Variants in SH3TC2 observed in about 807,000 individuals in gnomAD.
SH3TC2 encodes SH3 domain and tetratricopeptide repeats 2.
SH3TC2 carries 87 observed loss-of-function variants against 124.5 expected under a neutral mutation model. The observed-to-expected ratio is 0.70, with a 90% confidence interval of 0.59 to 0.84. SH3TC2 has a LOEUF of 0.84. Ranked by LOEUF, SH3TC2 falls within the 40% of genes least tolerant of loss-of-function variation. The pLI, the probability that SH3TC2 is intolerant of heterozygous loss-of-function variation, is 0.00. For missense variants in SH3TC2, 1,536 were observed against 1,566.4 expected, an observed-to-expected ratio of 0.98 and a Z score of 0.33; for synonymous variants, 634 against 628.5, an observed-to-expected ratio of 1.01 and a Z score of -0.13.
In SH3TC2 at chr5:148,984,996, C is replaced by T. The variant is rs746226514; in HGVS notation, c.*19715G>A. Among the ~76,000 whole-genome samples the T allele has an allele frequency of 6.6e-6, 1 of 152,084 alleles. No homozygotes were observed. The highest frequency in any genetic ancestry group is 2.4e-5 in the African/African-American group (1 of 41,402). Reference sequence around the variant, plus strand: ...GATGGAAGCAATGGAAGATTACTCCCATTATTTTTAATCTGGTTTTCATGG... The same window carrying T: ...GATGGAAGCAATGGAAGATTACTCCTATTATTTTTAATCTGGTTTTCATGG... On this transcript the variant is annotated 3_prime_UTR_variant, in exon 17 of 17. Coordinates refer to ENST00000515425, the MANE Select transcript of SH3TC2 (RefSeq NM_024577.4).
rs1405855565 is a variant in SH3TC2 at position 148,999,229 on chromosome 5, G to T, written c.*5482C>A. ...GTGCCTGGCCACACCTCCAGGTTTGGCTGCACTTCTCAATGTCAAGGCTTA... is the reference window on the plus strand; with the variant it reads ...GTGCCTGGCCACACCTCCAGGTTTGTCTGCACTTCTCAATGTCAAGGCTTA... On this transcript the variant is annotated 3_prime_UTR_variant, in exon 17 of 17. Transcript: ENST00000515425. Among the ~76,000 whole-genome samples the T allele has an allele frequency of 6.6e-6, 1 of 152,212 alleles. No homozygotes were observed. Among genetic ancestry groups the T allele is most frequent in the Non-Finnish European group, 1.5e-5 (1 of 68,030 alleles).
At position 149,052,186 on chromosome 5, in the gene SH3TC2, G is replaced by C. The variant is rs1754568717; in HGVS notation, c.107C>G (p.Ser36Cys). 1 of 1,613,780 alleles carries C rather than the reference G, an allele frequency of 6.2e-7. No homozygotes were observed. The highest frequency in any genetic ancestry group is 8.5e-7 in the Non-Finnish European group (1 of 1,179,702). ...CAGAAAACATTTTTCCTTGTATTCA[G>C]ATGAGGCTATACACTCACTCGATAC... is the stretch of plus-strand genomic sequence containing the variant. ...PTVSSECIAS[S>C]EYKEKCFLPQ... is the part of the protein sequence containing the mutation. Residue 36 changes from serine to cysteine, a missense_variant, in exon 2 of 17, where the codon TCT (serine) becomes TGT (cysteine). Coordinates refer to ENST00000515425, the MANE Select transcript of SH3TC2 (RefSeq NM_024577.4).
At position 149,042,799 on chromosome 5, in the gene SH3TC2, G is replaced by A; in HGVS notation, c.424C>T (p.His142Tyr). ...AATATGCAGTTGAGCCAGTACTTGTGGTCAAAGAGGAGATGTTCTAGACAC... is the reference window on the plus strand; with the variant it reads ...AATATGCAGTTGAGCCAGTACTTGTAGTCAAAGAGGAGATGTTCTAGACAC... ...SMCLEHLLFDHKYWLNCILVE... is the reference protein window; with the variant it reads ...SMCLEHLLFDYKYWLNCILVE... The change falls in exon 5 of 17, where the codon CAC becomes TAC. Residue 142 changes from histidine to tyrosine, a missense_variant. Physicochemically the swap from His to Tyr is moderately conservative, Grantham distance 83. This residue lies in a region of SH3TC2 where 1,102 missense variants were observed against 1,098.6 expected (regional missense o/e 1.00). Coordinates refer to ENST00000515425, the MANE Select transcript of SH3TC2 (RefSeq NM_024577.4). 6.2e-7 allele frequency: 1 copy of A among 1,614,096 alleles called. No individual in the cohort carries two copies. Among genetic ancestry groups the A allele is most frequent in the Non-Finnish European group, 8.5e-7 (1 of 1,180,020 alleles).
intron 14 of SH3TC2, 60 bp from the exon 15 acceptor site, chr5:149,009,061 C>T: frequency 6.2e-7 from 1 of 1,607,660 alleles, no homozygotes; most frequent in Non-Finnish European, 8.5e-7. Context: ...CATACCATAG[C>T]TAGGAGACTT....
intron 8 of SH3TC2, chr5:149,035,959 C>G (rs1754276178): frequency 6.6e-6 from 1 of 152,190 alleles, no homozygotes; most frequent in African/African-American, 2.4e-5. Context: ...TCAAGATCAC[C>G]ACCCACAACA....
intron 12 of SH3TC2, among the ~76,000 whole-genome samples, chr5:149,015,184 A>T (rs1272613503): frequency 6.6e-6 from 1 of 152,220 alleles, no homozygotes; most frequent in Non-Finnish European, 1.5e-5. Flanking sequence ...ACACAGCACC[A>T]TTGAGACTCC....
rs1303959485 is a variant in SH3TC2, at chr5:148,995,013, C to A, written c.*9698G>T. Among the ~76,000 whole-genome samples the A allele has an allele frequency of 6.6e-6, 1 of 152,150 alleles. No homozygotes were observed. Among genetic ancestry groups the A allele is most frequent in the Non-Finnish European group, 1.5e-5 (1 of 68,052 alleles). Reference sequence around the variant, plus strand: ...AATACCTTAAAGGTACTGCCTATCCCCTGGATCTTTATTCCATAGAACATT... The same window carrying A: ...AATACCTTAAAGGTACTGCCTATCCACTGGATCTTTATTCCATAGAACATT... On this transcript the variant is annotated 3_prime_UTR_variant, in exon 17 of 17. Transcript: ENST00000515425.
chr5:149,051,405 A>G (rs1580916493), intron 2 of SH3TC2, among the ~76,000 whole-genome samples: 1 of 152,226 alleles, frequency 6.6e-6, no homozygotes, highest in Non-Finnish European at 1.5e-5. Flanking sequence ...GGTATCATAT[A>G]GTATGTAAAA....
intron 9 of SH3TC2, among the ~76,000 whole-genome samples, chr5:149,030,675 G>C (rs570536105): frequency 6.6e-6 from 1 of 152,238 alleles, no homozygotes; most frequent in African/African-American, 2.4e-5. Context: ...CTTTATGCAC[G>C]GACATAGCTC....
intron 13 of SH3TC2, among the ~76,000 whole-genome samples, chr5:149,010,941 C>T (rs963910587): frequency 5.3e-5 from 8 of 152,194 alleles, no homozygotes; most frequent in African/African-American, 7.2e-5. Context: ...ACAGAACCTC[C>T]CCAGCTTCAT....
intron 1 of SH3TC2, among the ~76,000 whole-genome samples, chr5:149,062,666 A>T (rs527918133): frequency 3.9e-4 from 59 of 152,286 alleles, no homozygotes; most frequent in African/African-American, 1.3e-3. Flanking sequence ...GATCTCGGGA[A>T]GAAAGGAAGG....
rs1426901730 is a variant in SH3TC2, at chr5:149,004,638, G to C, written c.*73C>G. 2.6e-6 allele frequency: 4 copies of C among 1,528,594 alleles called. No individual in the cohort carries two copies. The highest frequency in any genetic ancestry group is 4.7e-4 in the Middle Eastern group (2 of 4,220). The allele number at this position is 1,528,594 out of a possible 1,614,324, so 94.7% of individuals were successfully genotyped here. A position where few individuals can be genotyped will look rare whatever the true frequency, so the allele number is the denominator to read the frequency against. On this transcript the variant is annotated 3_prime_UTR_variant, in exon 17 of 17. Coordinates refer to ENST00000515425, the MANE Select transcript of SH3TC2 (RefSeq NM_024577.4). ...AGGTAAGGACTCGGACCCTCCCAATGAGTATTTAAGAGCCTAGGGCAGTGG... is the reference window on the plus strand; with the variant it reads ...AGGTAAGGACTCGGACCCTCCCAATCAGTATTTAAGAGCCTAGGGCAGTGG...
chr5:149,027,475 G>GGTCT lies in SH3TC2; in HGVS notation c.2253_2256dup (p.Ser754ProfsTer22). On this transcript the variant is annotated frameshift_variant, in exon 11 of 17. Coordinates refer to ENST00000515425, the MANE Select transcript of SH3TC2 (RefSeq NM_024577.4). LOFTEE classifies it high-confidence loss of function. ...AGACACAGGGCCCTCTGGGTGCTCC[G>GGTCT]GTCTGCTAGTTCCTCACAGGCAGCC... The GGTCT allele has an allele frequency of 6.2e-7, 1 of 1,614,156 alleles. No homozygotes were observed. Among genetic ancestry groups the GGTCT allele is most frequent in the Non-Finnish European group, 8.5e-7 (1 of 1,180,048 alleles).
rs1251082752 is a variant in SH3TC2, at chr5:149,038,349, C to G, written c.947G>C (p.Gly316Ala). ...CCTGGTGGGGACAAAGCCCACTTGT[C>G]CTGAACTTGTCGACTTTCCAATGAA... is the stretch of plus-strand genomic sequence containing the variant. ...QWFIGKSTSS[G>A]QVGFVPTRNI... The change falls in exon 8 of 17, where the codon GGA becomes GCA. Residue 316 changes from glycine to alanine, a missense_variant. Transcript: ENST00000515425. The G allele has an allele frequency of 6.2e-7, 1 of 1,614,176 alleles. No homozygotes were observed. Among genetic ancestry groups the G allele is most frequent in the South Asian group, 1.1e-5 (1 of 91,080 alleles).
In SH3TC2 at chr5:148,992,415, C is replaced by T. The variant is rs1445982113; in HGVS notation, c.*12296G>A. On this transcript the variant is annotated 3_prime_UTR_variant, in exon 17 of 17. Transcript: ENST00000515425. ...AGTATGTATGTCAGTTCTCAGGCAT[C>T]ACCTGGAGGATACATATATAACACC... 6.6e-6 allele frequency among the ~76,000 whole-genome samples: 1 copy of T among 152,102 alleles called. No homozygotes were observed. Among genetic ancestry groups the T allele is most frequent in the Non-Finnish European group, 1.5e-5 (1 of 68,014 alleles).
At chr5:149,006,066 A>T (rs1264784755) in intron 16 of SH3TC2, 1 of 152,456 alleles carries the variant, frequency 6.6e-6, no homozygotes, top group African/African-American at 2.4e-5. Flanking sequence ...GCAGTTCGAG[A>T]CAGGCAACAT....
At position 148,987,809 on chromosome 5, in the gene SH3TC2, CTGTGTGTGTGTGTGTGTGTGTGTGTG is replaced by C. The variant is rs71957589; in HGVS notation, c.*16876_*16901del. 7.4e-6 allele frequency among the ~76,000 whole-genome samples: 1 copy of C among 135,318 alleles called. No individual in the cohort carries two copies. The highest frequency in any genetic ancestry group is 1.6e-5 in the Non-Finnish European group (1 of 63,300). 88.8% of individuals were successfully genotyped at this position (135,318 alleles called of 152,430 possible). Reference sequence around the variant, plus strand: ...CCTCACTCGAGGCCTCATTCAAAATCTGTGTGTGTGTGTGTGTGTGTGTGTGTGTGTGTGTGTGTGTGTGTGTTCTT... The same window carrying C: ...CCTCACTCGAGGCCTCATTCAAAATCTGTGTGTGTGTGTGTGTGTGTTCTT... On this transcript the variant is annotated 3_prime_UTR_variant, in exon 17 of 17. Coordinates refer to ENST00000515425, the MANE Select transcript of SH3TC2 (RefSeq NM_024577.4).
chr5:149,057,505 T>A (rs138055618), intron 1 of SH3TC2: 59 of 152,326 alleles, frequency 3.9e-4, no homozygotes, highest in Non-Finnish European at 7.2e-4. Context: ...GCTGCACAGA[T>A]CATCCCATCA....
chr5:149,011,053 C>T (rs1243363510), intron 13 of SH3TC2, among the ~76,000 whole-genome samples: 2 of 152,228 alleles, frequency 1.3e-5, no homozygotes, highest in South Asian at 4.1e-4. Context: ...TTCATCTACA[C>T]AAAATGTGCT....
Sources: gnomAD v4.1 joint callset for allele counts (sites outside exome capture counted in the v4.1 genomes callset) on GRCh38, gnomAD v4.1.1 for gene constraint, gnomAD v4.1.1 regional missense constraint, MANE v1.5 for transcripts, NCBI Gene and HGNC (gene_info 2026-07-23, HGNC 2026-07-21) for gene names.